Variants in PPEF1 observed in about 807,000 individuals in gnomAD.
PPEF1 encodes protein phosphatase with EF-hand domain 1.
In PPEF1, 12 loss-of-function variants were observed where a neutral mutation model predicts 53.3. That is an observed-to-expected ratio of 0.23 (90% confidence interval 0.14 to 0.36). PPEF1 has a LOEUF of 0.36. Among genes scored for constraint, PPEF1 ranks in the 10% least tolerant of loss-of-function variants. PPEF1 has a pLI of 1.00. For synonymous variants in PPEF1, 165 were observed against 176.7 expected (o/e 0.93, Z 0.52); for missense variants, 334 against 490.4 (o/e 0.68, Z 3.01).
chrX:18,783,249 C>A (rs1310544288), intron 8 of PPEF1, among the ~76,000 whole-genome samples: 1 of 109,618 alleles, frequency 9.1e-6, no homozygotes, highest in Non-Finnish European at 1.9e-5. Context: ...TGGTAACTGG[C>A]CCCGGGATGA....
intron 15 of PPEF1, among the ~76,000 whole-genome samples, chrX:18,826,250 C>T (rs762735115): frequency 1.4e-4 from 15 of 110,333 alleles, no homozygotes; most frequent in African/African-American, 4.9e-4. Flanking sequence ...CTACAGAAGC[C>T]TAGGTAGCCA....
At chrX:18,699,947 G>A (rs1929963553) in intron 5 of PPEF1, 1 of 112,406 alleles carries the variant, frequency 8.9e-6, no homozygotes, top group South Asian at 3.7e-4. Context: ...TTGTATTGAT[G>A]GCAGATTATG....
chrX:18,738,093 GTC>G (rs1199439608), intron 3 of PPEF1, among the ~76,000 whole-genome samples: 4 of 110,923 alleles, frequency 3.6e-5, no homozygotes, highest in Non-Finnish European at 5.7e-5. Flanking sequence ...GCCAGTCTGT[GTC>G]TTTTAATTGG....
At chrX:18,773,439 A>G (rs1161539577) in intron 6 of PPEF1, among the ~76,000 whole-genome samples, 2 of 111,093 alleles carry the variant, frequency 1.8e-5, no homozygotes, top group Non-Finnish European at 3.8e-5. Context: ...TTTAATGTAT[A>G]TTTCTCATGA....
chrX:18,705,103 C>T (rs77334642), upstream of PPEF1, among the ~76,000 whole-genome samples: 3,788 of 111,544 alleles, frequency 0.034, 116 homozygotes, highest in South Asian at 0.16. Context: ...CTTTTCTCCT[C>T]CTCCTTCCCT....
At chrX:18,682,919 C>T (rs1178365213), upstream of PPEF1, among the ~76,000 whole-genome samples, 2 of 111,584 alleles carry the variant, frequency 1.8e-5, no homozygotes, top group Non-Finnish European at 3.8e-5. Flanking sequence ...GTTTAGTGGA[C>T]TCACAGTTCC....
intron 3 of PPEF1, among the ~76,000 whole-genome samples, chrX:18,734,408 T>A (rs1022706759): frequency 9.1e-6 from 1 of 109,335 alleles, no homozygotes; most frequent in African/African-American, 3.3e-5. Context: ...GATAGTTTGC[T>A]CAGAATGATG....
In PPEF1 at chrX:18,779,128, A is replaced by C. The variant is rs754794768; in HGVS notation, c.677A>C (p.Asp226Ala). ...GTGAGTTTTCTTGTCTACCCCAATG[A>C]CCTGCACTTGAACAGAGGGAACCAC... ...LCVSFLVYPN[D>A]LHLNRGNHED... Residue 226 changes from aspartate to alanine, a missense_variant, in exon 7 of 16, where the codon GAC (aspartate) becomes GCC (alanine). By Grantham distance (126) the Asp-to-Ala change is moderately radical. Coordinates refer to ENST00000470157, the MANE Select transcript of PPEF1 (RefSeq NM_001377996.1). The C allele has an allele frequency of 1.7e-6, 2 of 1,207,117 alleles. No homozygotes were observed. Among genetic ancestry groups the C allele is most frequent in the Admixed American group, 4.4e-5 (2 of 45,596 alleles).
chrX:18,692,423 A>G (rs899027479), intron 4 of PPEF1, among the ~76,000 whole-genome samples: 2 of 112,135 alleles, frequency 1.8e-5, no homozygotes, highest in Non-Finnish European at 3.8e-5. Flanking sequence ...CACATGGTAG[A>G]CACCCAGTAA....
chrX:18,813,425 T>C (rs2046848630), intron 12 of PPEF1, among the ~76,000 whole-genome samples: 1 of 110,421 alleles, frequency 9.1e-6, no homozygotes, highest in African/African-American at 3.3e-5. Context: ...ATTGATCTTG[T>C]ACAATCTTGA....
chrX:18,723,288 A>G (rs1297888555), intron 1 of PPEF1, among the ~76,000 whole-genome samples: 2 of 111,831 alleles, frequency 1.8e-5, no homozygotes, highest in Non-Finnish European at 3.8e-5. Context: ...TGCAGTCATA[A>G]TTTGTGAAAT....
rs749614109 is a variant in PPEF1 at position 18,789,215 on chromosome X, G to A, written c.1007G>A (p.Gly336Glu). ...GTAGGTGTGACTTTTAATGCACATG[G>A]AAGAATCAAAACAAATGGATCTCCT... is the stretch of plus-strand genomic sequence containing the variant. ...NKVGVTFNAH[G>E]RIKTNGSPTE... The change falls in exon 10 of 16, where the codon GGA becomes GAA. Residue 336 changes from glycine to glutamate, a missense_variant. Physicochemically the swap from Gly to Glu is moderately conservative, Grantham distance 98. Transcript: ENST00000470157. 8.3e-7 allele frequency: 1 copy of A among 1,210,969 alleles called. No homozygotes were observed. Among genetic ancestry groups the A allele is most frequent in the Non-Finnish European group, 1.1e-6 (1 of 894,538 alleles).
intron 4 of PPEF1, among the ~76,000 whole-genome samples, chrX:18,754,088 A>G (rs2045498808): frequency 9.1e-6 from 1 of 110,402 alleles, no homozygotes; most frequent in African/African-American, 3.3e-5. Context: ...AAAACCAACA[A>G]CAAATATTTG....
chrX:18,797,303 T>C (rs1362766123), intron 10 of PPEF1, among the ~76,000 whole-genome samples: 3 of 111,952 alleles, frequency 2.7e-5, no homozygotes, highest in African/African-American at 9.7e-5. Flanking sequence ...TGTCTTGTAG[T>C]CATGGAAATT....
At chrX:18,678,880 C>T (rs1928774832), upstream of PPEF1, among the ~76,000 whole-genome samples, 1 of 110,764 alleles carries the variant, frequency 9.0e-6, no homozygotes, top group African/African-American at 3.3e-5. Flanking sequence ...ACCACCCCAG[C>T]GACCTCATTC....
rs58697941 is a variant in PPEF1 at position 18,826,417 on chromosome X, C to CTT, written c.1750+609_1750+610dup. Among the ~76,000 whole-genome samples the CTT allele has an allele frequency of 5.2e-3, 127 of 24,629 alleles. 29 individuals carry two copies. The highest frequency in any genetic ancestry group is 0.026 in the African/African-American group (125 of 4,825). The allele number at this position is 24,629 out of a possible 115,157, so 21.4% of individuals were successfully genotyped here. ...AAGGGCTATGAAAAGTCATTTTCTGCTTTTTTTTTTTTTTTTTTTTTTTTT... is the reference window on the plus strand; with the variant it reads ...AAGGGCTATGAAAAGTCATTTTCTGCTTTTTTTTTTTTTTTTTTTTTTTTTTT... On this transcript the variant is annotated intron_variant, in intron 15 of 15. Transcript: ENST00000470157.
rs1434603880 is a variant in PPEF1, at chrX:18,694,994, CAT to C, written c.-312-2850_-312-2849del. ...AAAAATCTAGTGGCTTAAAACAACA[CAT>C]GTTTATGATCTTACAGTTTCTGTGG... On this transcript the variant is annotated intron_variant, in intron 4 of 21. Coordinates refer to the PPEF1 transcript ENST00000361511. Among the ~76,000 whole-genome samples, 4 of 111,956 alleles carry C rather than the reference CAT, an allele frequency of 3.6e-5. No individual in the cohort carries two copies. In the East Asian group the frequency reaches 1.1e-3, roughly 31 times the overall value.
At chrX:18,794,541 T>C (rs1602461059) in intron 10 of PPEF1, among the ~76,000 whole-genome samples, 2 of 112,795 alleles carry the variant, frequency 1.8e-5, no homozygotes, top group East Asian at 5.6e-4. Context: ...GCAGGGATGA[T>C]AGCTCCTGGT....
chrX:18,775,741 A>G (rs1229074365), intron 6 of PPEF1, among the ~76,000 whole-genome samples: 1 of 110,300 alleles, frequency 9.1e-6, no homozygotes, highest in Non-Finnish European at 1.9e-5. Flanking sequence ...GCTTATTTCC[A>G]TTTTCTATTT....
Sources: allele counts gnomAD v4.1 joint callset (sites outside exome capture counted in the v4.1 genomes callset), GRCh38; gene constraint gnomAD v4.1.1; transcripts MANE v1.5; gene names NCBI Gene and HGNC (gene_info 2026-07-23, HGNC 2026-07-21).